Variants in ELMO1 observed in about 807,000 individuals in gnomAD.
The protein encoded by ELMO1 is engulfment and cell motility 1.
Under a neutral mutation model 98.9 loss-of-function variants are expected in ELMO1, and 26 were observed. The ratio of observed to expected loss-of-function variants is 0.26; its 90% CI spans 0.19 to 0.36. ELMO1 has a LOEUF of 0.36. Ranked by LOEUF, ELMO1 falls within the 10% of genes least tolerant of loss-of-function variation. The probability of loss-of-function intolerance (pLI) is 1.00; values close to 1 mark genes in which losing one functional copy is unlikely to be tolerated. For synonymous variants in ELMO1, 346 were observed against 346.0 expected (o/e 1.00, Z 0.00); for missense variants, 627 against 935.2 (o/e 0.67, Z 4.30).
intron 15 of ELMO1, among the ~76,000 whole-genome samples, chr7:37,016,801 A>G (rs1265481673): frequency 6.6e-6 from 1 of 152,234 alleles, no homozygotes; most frequent in Admixed American, 6.5e-5. Flanking sequence ...TAGGAGATTG[A>G]GAAAGGCTCG....
intron 16 of ELMO1, among the ~76,000 whole-genome samples, chr7:36,903,525 G>C (rs1783736185): frequency 6.6e-6 from 1 of 152,210 alleles, no homozygotes; most frequent in Non-Finnish European, 1.5e-5. Context: ...TCTAAAATCA[G>C]TAGTTCTCAA....
chr7:36,985,129 C>A, intron 16 of ELMO1: 1 of 985,076 alleles, frequency 1.0e-6, no homozygotes, highest in Non-Finnish European at 1.2e-6. Flanking sequence ...ATTTCATCAC[C>A]AGTGTCAGAA....
chr7:37,172,597 C>CT (rs773736014), intron 13 of ELMO1, among the ~76,000 whole-genome samples: 9 of 152,146 alleles, frequency 5.9e-5, no homozygotes, highest in Non-Finnish European at 1.0e-4. Context: ...AGGAGCTAAG[C>CT]TACTATCAGA....
chr7:36,876,090 T>C (rs1803935385), intron 19 of ELMO1, among the ~76,000 whole-genome samples: 1 of 152,194 alleles, frequency 6.6e-6, no homozygotes, highest in Non-Finnish European at 1.5e-5. Flanking sequence ...GCTATTTGCT[T>C]CAACCAACAA....
chr7:37,245,375 G>A (rs1264931273), intron 6 of ELMO1, among the ~76,000 whole-genome samples: 3 of 152,004 alleles, frequency 2.0e-5, no homozygotes, highest in Non-Finnish European at 4.4e-5. Flanking sequence ...CTGAATACAC[G>A]GTTGACAAAC....
At chr7:37,423,122 G>A (rs183112864) in intron 1 of ELMO1, among the ~76,000 whole-genome samples, 2 of 152,186 alleles carry the variant, frequency 1.3e-5, no homozygotes, top group African/African-American at 4.8e-5. Flanking sequence ...TGTGTTACAG[G>A]TTATCACCCT....
intron 1 of ELMO1, among the ~76,000 whole-genome samples, chr7:37,439,279 C>CA: frequency 6.6e-6 from 1 of 152,336 alleles, no homozygotes; most frequent in Non-Finnish European, 1.5e-5. Context: ...GGATTGCTGA[C>CA]ATAAAGCCCC....
chr7:37,033,436 C>T (rs1186211758), intron 15 of ELMO1: 2 of 454,936 alleles, frequency 4.4e-6, no homozygotes, highest in Middle Eastern at 3.3e-4. Context: ...GCTTTATTAT[C>T]ATAAATGTTG....
intron 16 of ELMO1, among the ~76,000 whole-genome samples, chr7:36,929,376 T>C (rs1785842485): frequency 6.6e-6 from 1 of 152,096 alleles, no homozygotes; most frequent in African/African-American, 2.4e-5. Context: ...TCTGATGGAG[T>C]GCACACCAAA....
chr7:36,982,489 T>C (rs1350988203), intron 16 of ELMO1, among the ~76,000 whole-genome samples: 4 of 152,244 alleles, frequency 2.6e-5, no homozygotes, highest in Admixed American at 6.5e-5. Flanking sequence ...CATATTTCCA[T>C]TGGACAGCAT....
At chr7:37,350,098 T>G (rs1208391795) in intron 1 of ELMO1, among the ~76,000 whole-genome samples, 1 of 152,078 alleles carries the variant, frequency 6.6e-6, no homozygotes, top group Non-Finnish European at 1.5e-5. Flanking sequence ...TCATTTCAGG[T>G]TCCCGTATCA....
intron 16 of ELMO1, among the ~76,000 whole-genome samples, chr7:36,916,718 C>T (rs1052905267): frequency 1.3e-5 from 2 of 152,232 alleles, no homozygotes; most frequent in East Asian, 3.9e-4. Flanking sequence ...CCAGTTTCCA[C>T]CCTCATTCCT....
chr7:36,867,901 T>A (rs1405638706), intron 20 of ELMO1, among the ~76,000 whole-genome samples: 1 of 152,192 alleles, frequency 6.6e-6, no homozygotes, highest in Non-Finnish European at 1.5e-5. Flanking sequence ...TTAAATTTTT[T>A]AAGACATGCT....
intron 15 of ELMO1, among the ~76,000 whole-genome samples, chr7:37,024,082 T>G (rs1294292038): frequency 6.6e-6 from 1 of 152,156 alleles, no homozygotes; most frequent in Non-Finnish European, 1.5e-5. Context: ...CCTCCTTCCC[T>G]CCTTTTCTCC....
intron 6 of ELMO1, among the ~76,000 whole-genome samples, chr7:37,244,864 CA>C (rs1794918902): frequency 6.6e-6 from 1 of 152,188 alleles, no homozygotes; most frequent in Non-Finnish European, 1.5e-5. Flanking sequence ...GAAGATGCTG[CA>C]ATCAATCTCT....
chr7:37,366,695 C>A (rs1349912965), intron 1 of ELMO1, among the ~76,000 whole-genome samples: 1 of 152,196 alleles, frequency 6.6e-6, no homozygotes, highest in African/African-American at 2.4e-5. Context: ...TCTGTAATCT[C>A]CCCCCTGTAG....
chr7:37,165,025 G>C (rs1197198961), intron 13 of ELMO1, among the ~76,000 whole-genome samples: 2 of 151,986 alleles, frequency 1.3e-5, no homozygotes, highest in Non-Finnish European at 2.9e-5. Flanking sequence ...GCAGTGCTTT[G>C]TAGTTCTCCT....
chr7:37,180,333 G>T lies in ELMO1; in HGVS notation c.1086+31053C>A, dbSNP rs1209957597. Among the ~76,000 whole-genome samples, 5 of 152,126 alleles carry T rather than the reference G, an allele frequency of 3.3e-5. No individual in the cohort carries two copies. The East Asian group carries it at 9.6e-4, about 29-fold the overall frequency. On this transcript the variant is annotated intron_variant, in intron 13 of 21. Coordinates refer to ENST00000310758, the MANE Select transcript of ELMO1 (RefSeq NM_014800.11). Reference sequence around the variant, plus strand: ...CCTAAGTTTAGCATGTGGAAATCAGGACCCATTTTCCCTTGGGAGGGAGAT... The same window carrying T: ...CCTAAGTTTAGCATGTGGAAATCAGTACCCATTTTCCCTTGGGAGGGAGAT...
intron 15 of ELMO1, among the ~76,000 whole-genome samples, chr7:37,029,456 T>G (rs535917259): frequency 5.3e-4 from 80 of 152,082 alleles, no homozygotes; most frequent in Admixed American, 4.6e-4. Flanking sequence ...AGTACTGGAT[T>G]TCTTTATTTC....
Sources: gnomAD v4.1 joint callset for allele counts (sites outside exome capture counted in the v4.1 genomes callset) on GRCh38, gnomAD v4.1.1 for gene constraint, MANE v1.5 for transcripts, NCBI Gene and HGNC (gene_info 2026-07-23, HGNC 2026-07-21) for gene names.